The following DDHD1 variants were observed in gnomAD, a reference collection of about 807,000 sequenced individuals.
DDHD1 encodes phospholipase DDHD1.
A neutral mutation model predicts 96.4 loss-of-function variants in DDHD1; 49 were observed. The ratio of observed to expected loss-of-function variants is 0.51; its 90% CI spans 0.40 to 0.64. The LOEUF (loss-of-function observed/expected upper bound fraction) is 0.64. Ranked by LOEUF, DDHD1 falls within the 30% of genes least tolerant of loss-of-function variation. The pLI is 0.00. For missense variants in DDHD1, 1,106 were observed against 1,161.2 expected (o/e 0.95, Z 0.69); for synonymous variants, 442 against 446.5 (o/e 0.99, Z 0.13).
At chr14:53,095,854 G>T (rs1011781360) in intron 2 of DDHD1, among the ~76,000 whole-genome samples, 1 of 152,092 alleles carries the variant, frequency 6.6e-6, no homozygotes, top group Non-Finnish European at 1.5e-5. Flanking sequence ...AGAGATGAGT[G>T]TTAAGCCAGA....
At chr14:53,073,917 A>T in intron 4 of DDHD1, 70 bp from the exon 5 acceptor site, 1 of 1,347,154 alleles carries the variant, frequency 7.4e-7, no homozygotes. Flanking sequence ...AATTTATATG[A>T]GATAAAATGT....
At chr14:53,049,657 C>CAAAAAAA (rs11323291) in intron 12 of DDHD1, among the ~76,000 whole-genome samples, 6 of 84,718 alleles carry the variant, frequency 7.1e-5, no homozygotes, top group African/African-American at 2.2e-4. Context: ...TGAGCTAGGT[C>CAAAAAAA]AAAAAAAAAA....
intron 12 of DDHD1, among the ~76,000 whole-genome samples, chr14:53,050,807 G>A (rs1488757810): frequency 5.3e-5 from 8 of 152,048 alleles, no homozygotes; most frequent in Non-Finnish European, 1.2e-4. Context: ...TATGACTACA[G>A]GTTTAACTAC....
chr14:53,142,857 T>A (rs1234844557), intron 1 of DDHD1, among the ~76,000 whole-genome samples: 1 of 152,120 alleles, frequency 6.6e-6, no homozygotes, highest in African/African-American at 2.4e-5. Flanking sequence ...TCTAGGGCTG[T>A]GCCCATTTGA....
intron 1 of DDHD1, among the ~76,000 whole-genome samples, chr14:53,151,085 C>T (rs1891317647): frequency 6.6e-6 from 1 of 152,188 alleles, no homozygotes; most frequent in Non-Finnish European, 1.5e-5. Flanking sequence ...TTATCAGAAT[C>T]ACTGATGCAA....
chr14:53,098,591 A>G (rs1447187673), intron 2 of DDHD1, among the ~76,000 whole-genome samples: 3 of 152,090 alleles, frequency 2.0e-5, no homozygotes, highest in African/African-American at 7.2e-5. Flanking sequence ...ATAAATTTAT[A>G]AAAATTAAAT....
At chr14:53,082,557 G>C (rs1885578195) in intron 4 of DDHD1, among the ~76,000 whole-genome samples, 1 of 150,558 alleles carries the variant, frequency 6.6e-6, no homozygotes, top group Non-Finnish European at 1.5e-5. Context: ...TCAGGAGTTC[G>C]AGACCAGCCT....
At chr14:53,144,898 C>G in intron 1 of DDHD1, among the ~76,000 whole-genome samples, 1 of 152,146 alleles carries the variant, frequency 6.6e-6, no homozygotes, top group Non-Finnish European at 1.5e-5. Context: ...ATTTGTAATC[C>G]CAGCACTTTG....
At chr14:53,151,856 C>G (rs575390970) in intron 1 of DDHD1, among the ~76,000 whole-genome samples, 1 of 152,318 alleles carries the variant, frequency 6.6e-6, no homozygotes, top group South Asian at 2.1e-4. Flanking sequence ...CTCAAACCTT[C>G]CTACTCCAGA....
At chr14:53,111,644 A>C (rs978141421) in intron 1 of DDHD1, among the ~76,000 whole-genome samples, 4 of 151,636 alleles carry the variant, frequency 2.6e-5, no homozygotes, top group African/African-American at 4.9e-5. Context: ...ACCCCCCCCC[A>C]AAAAAATACA....
intron 6 of DDHD1, among the ~76,000 whole-genome samples, chr14:53,068,454 T>C (rs1485454477): frequency 6.6e-6 from 1 of 152,100 alleles, no homozygotes; most frequent in Non-Finnish European, 1.5e-5. Context: ...TCTGGCTATG[T>C]TGTCCAGGCT....
Position 53,055,376 on chromosome 14 carries a change from C to T in DDHD1, c.2245+284G>A, listed in dbSNP as rs182600224. ...AAACTATATTATTTACTCAAGATCT[C>T]ACAGCAAGTGGTAGGACCAAGATTA... is the stretch of plus-strand genomic sequence containing the variant. On this transcript the variant is annotated intron_variant, in intron 10 of 12. Coordinates refer to ENST00000673822, the MANE Select transcript of DDHD1 (RefSeq NM_001160148.2). Among the ~76,000 whole-genome samples the T allele has an allele frequency of 3.8e-3, 580 of 152,296 alleles. 6 individuals carry two copies. Among genetic ancestry groups the T allele is most frequent in the African/African-American group, 0.013 (554 of 41,568 alleles).
At chr14:53,117,229 A>T (rs943750646) in intron 1 of DDHD1, among the ~76,000 whole-genome samples, 4 of 152,196 alleles carry the variant, frequency 2.6e-5, no homozygotes, top group Non-Finnish European at 5.9e-5. Context: ...AGTGAGATCG[A>T]CACAGAAGTG....
chr14:53,144,969 G>A (rs1225073250), intron 1 of DDHD1, among the ~76,000 whole-genome samples: 1 of 152,086 alleles, frequency 6.6e-6, no homozygotes, highest in Non-Finnish European at 1.5e-5. Context: ...TACCAACATG[G>A]TGAAACCCTG....
chr14:53,113,450 G>A, intron 1 of DDHD1, among the ~76,000 whole-genome samples: 1 of 146,684 alleles, frequency 6.8e-6, no homozygotes, highest in Non-Finnish European at 1.5e-5. Context: ...GGGCAAAGGA[G>A]GAGAGGCCAA....
chr14:53,099,891 T>C (rs1887170176), intron 2 of DDHD1, among the ~76,000 whole-genome samples: 1 of 152,296 alleles, frequency 6.6e-6, no homozygotes, highest in African/African-American at 2.4e-5. Flanking sequence ...TGGGTTATCT[T>C]TATTTGTATG....
chr14:53,054,150 G>T (rs1882840441), intron 11 of DDHD1: 2 of 291,588 alleles, frequency 6.9e-6, no homozygotes, highest in Non-Finnish European at 1.3e-5. Context: ...ACTTCAGGGG[G>T]TACTTACCCT....
At chr14:53,094,069 C>G (rs1886667344) in intron 2 of DDHD1, among the ~76,000 whole-genome samples, 1 of 151,900 alleles carries the variant, frequency 6.6e-6, no homozygotes, top group African/African-American at 2.4e-5. Context: ...CCCAGCTACT[C>G]AGGAGGCTGA....
intron 1 of DDHD1, among the ~76,000 whole-genome samples, chr14:53,151,776 C>T (rs149872863): frequency 3.1e-4 from 47 of 152,316 alleles, no homozygotes; most frequent in African/African-American, 1.1e-3. Flanking sequence ...CAACCTATCT[C>T]CTTTCCCTCC....
Sources: allele counts gnomAD v4.1 joint callset (sites outside exome capture counted in the v4.1 genomes callset), GRCh38; gene constraint gnomAD v4.1.1; transcripts MANE v1.5; gene names NCBI Gene and HGNC (gene_info 2026-07-23, HGNC 2026-07-21).